Variants in OR56A3 observed in about 807,000 individuals in gnomAD.
The protein encoded by OR56A3 is olfactory receptor family 56 subfamily A member 3, also known as olfactory receptor 56A3.
A neutral mutation model predicts 17.5 loss-of-function variants in OR56A3; 23 were observed. That is an observed-to-expected ratio of 1.32 (90% CI 0.95 to 1.87). The LOEUF (loss-of-function observed/expected upper bound fraction) is 1.87, where lower values mean the gene tolerates loss of function less well. Among genes scored for constraint, OR56A3 ranks in the 40% most tolerant of loss-of-function variants. OR56A3 has a pLI of 0.00. For synonymous variants in OR56A3, 175 were observed against 150.6 expected (o/e 1.16, Z -1.19); for missense variants, 366 against 380.1 (o/e 0.96, Z 0.31).
chr11:5,968,407 G>T, the OR56A3 span: 16 of 1,610,240 alleles, frequency 9.9e-6, no homozygotes, highest in Non-Finnish European at 1.4e-5. Flanking sequence ...GGCAGAGACA[G>T]CCAGTGCTGC....
the OR56A3 span, chr11:6,016,882 A>G: frequency 6.6e-6 from 1 of 152,042 alleles, no homozygotes; most frequent in African/African-American, 2.4e-5. Flanking sequence ...GAAATAAAAA[A>G]CACAATAGAG....
the OR56A3 span, among the ~76,000 whole-genome samples, chr11:6,008,006 A>C: frequency 5.3e-5 from 8 of 152,206 alleles, no homozygotes; most frequent in African/African-American, 1.9e-4. Flanking sequence ...TGCAATTGTT[A>C]ACAATACTCA....
At chr11:5,998,277 A>G in the OR56A3 span, among the ~76,000 whole-genome samples, 1 of 152,084 alleles carries the variant, frequency 6.6e-6, no homozygotes, top group East Asian at 1.9e-4. Flanking sequence ...GAGGATAGAG[A>G]TGGTTTCATT....
chr11:5,946,231 C>A (rs1847868710), intron 2 of OR56A3, among the ~76,000 whole-genome samples: 2 of 152,252 alleles, frequency 1.3e-5, no homozygotes, highest in South Asian at 4.1e-4. Flanking sequence ...ACTCAACTCT[C>A]CTCTGCAGTC....
chr11:5,961,940 A>T, the OR56A3 span, among the ~76,000 whole-genome samples: 1 of 152,114 alleles, frequency 6.6e-6, no homozygotes, highest in African/African-American at 2.4e-5. Flanking sequence ...TAGTAAAGAG[A>T]AGGGGTGAAA....
the OR56A3 span, among the ~76,000 whole-genome samples, chr11:6,009,857 C>A: frequency 6.6e-6 from 1 of 152,110 alleles, no homozygotes; most frequent in Non-Finnish European, 1.5e-5. Flanking sequence ...AAATCCAGTT[C>A]CATCTATATT....
the OR56A3 span, among the ~76,000 whole-genome samples, chr11:5,974,133 G>A: frequency 6.8e-6 from 1 of 147,568 alleles, no homozygotes; most frequent in Non-Finnish European, 1.5e-5. Flanking sequence ...TCGAGATGGA[G>A]TCTTGCCGTG....
the OR56A3 span, among the ~76,000 whole-genome samples, chr11:5,979,866 A>G: frequency 1.3e-5 from 2 of 152,138 alleles, no homozygotes; most frequent in Non-Finnish European, 2.9e-5. Flanking sequence ...GCTGTGTCCC[A>G]GAGATTCTCA....
At chr11:6,021,284 T>A in the OR56A3 span, 1 of 152,028 alleles carries the variant, frequency 6.6e-6, no homozygotes, top group African/African-American at 2.4e-5. Flanking sequence ...AATGTATTGA[T>A]CCTACACAAA....
chr11:5,995,281 A>G, the OR56A3 span, among the ~76,000 whole-genome samples: 129,175 of 152,190 alleles, frequency 0.85, 55,146 homozygotes, highest in South Asian at 0.93. Flanking sequence ...TTTGCACTAA[A>G]TCTTCAAAAT....
chr11:6,013,748 C>T, the OR56A3 span, among the ~76,000 whole-genome samples: 5 of 152,176 alleles, frequency 3.3e-5, no homozygotes, highest in Non-Finnish European at 7.4e-5. Context: ...CTCATCATAG[C>T]TTGTGCCCAT....
chr11:5,987,298 C>T, the OR56A3 span, among the ~76,000 whole-genome samples: 1 of 152,192 alleles, frequency 6.6e-6, no homozygotes, highest in Non-Finnish European at 1.5e-5. Flanking sequence ...GTTTCCATGA[C>T]ATGGCACTCC....
the OR56A3 span, among the ~76,000 whole-genome samples, chr11:5,993,128 G>A: frequency 1.3e-5 from 2 of 152,088 alleles, no homozygotes; most frequent in African/African-American, 4.8e-5. Context: ...GGAGGAAAGG[G>A]ACCTTGGTAT....
At position 5,947,486 on chromosome 11, in the gene OR56A3, C is replaced by T. The variant is rs780581883; in HGVS notation, c.140C>T (p.Thr47Ile). 1.2e-5 allele frequency: 19 copies of T among 1,613,918 alleles called. No individual in the cohort carries two copies. The highest frequency in any genetic ancestry group is 6.8e-6 in the Non-Finnish European group (8 of 1,179,928). The change falls in exon 3 of 3, where the codon ACC becomes ATC. Residue 47 changes from threonine to isoleucine, a missense_variant. Transcript: ENST00000641160. ...LLFLLAVGAN[T>I]TLLMTIWLEA... ...TTCCTCTTGGCCGTAGGGGCCAACA[C>T]CACCCTCCTGATGACCATCTGGCTG...
the OR56A3 span, among the ~76,000 whole-genome samples, chr11:5,979,433 C>G: frequency 6.6e-6 from 1 of 151,822 alleles, no homozygotes; most frequent in Non-Finnish European, 1.5e-5. Flanking sequence ...TCAATTTCTT[C>G]CTCATTTAAT....
chr11:5,968,540 A>G, the OR56A3 span: 1 of 1,311,824 alleles, frequency 7.6e-7, no homozygotes. Flanking sequence ...ATTGTGTTTG[A>G]TAAGACACAG....
the OR56A3 span, among the ~76,000 whole-genome samples, chr11:6,004,925 A>G: frequency 6.6e-6 from 1 of 152,296 alleles, no homozygotes; most frequent in African/African-American, 2.4e-5. Flanking sequence ...GAGCTTACCT[A>G]ATTAGTAGAG....
chr11:5,989,663 C>T, the OR56A3 span, among the ~76,000 whole-genome samples: 1 of 151,970 alleles, frequency 6.6e-6, no homozygotes, highest in East Asian at 1.9e-4. Context: ...TAAAAAAATC[C>T]CATATTGGGC....
the OR56A3 span, among the ~76,000 whole-genome samples, chr11:6,011,221 T>TATATATAC: frequency 2.7e-5 from 4 of 149,212 alleles, no homozygotes; most frequent in South Asian, 8.4e-4. Flanking sequence ...TATATATATA[T>TATATATAC]ACACACATAT....
Sources: allele counts gnomAD v4.1 joint callset (sites outside exome capture counted in the v4.1 genomes callset), GRCh38; gene constraint gnomAD v4.1.1; transcripts MANE v1.5; gene names NCBI Gene and HGNC (gene_info 2026-07-23, HGNC 2026-07-21).